Variants in NOSTRIN observed in about 807,000 individuals in gnomAD.
NOSTRIN encodes BM247 homolog.
In NOSTRIN, 63 loss-of-function variants were observed where a neutral mutation model predicts 59.0. That is an observed-to-expected ratio of 1.07 (90% CI 0.87 to 1.32). NOSTRIN has a LOEUF of 1.32. Ranked by LOEUF, NOSTRIN falls within the 40% of genes most tolerant of loss-of-function variation. NOSTRIN has a pLI of 0.00. For synonymous variants in NOSTRIN, 200 were observed against 165.4 expected (o/e 1.21, Z -1.61); for missense variants, 512 against 473.1 (o/e 1.08, Z -0.76).
chr2:168,819,722 T>C (rs1686619631), intron 2 of NOSTRIN, among the ~76,000 whole-genome samples: 1 of 152,204 alleles, frequency 6.6e-6, no homozygotes, highest in African/African-American at 2.4e-5. Flanking sequence ...CCTGCTTTGC[T>C]TGGTTGATTT....
rs114537885 is a variant in NOSTRIN at position 168,790,643 on chromosome 2, A to G, written c.-473+2595A>G. On this transcript the variant is annotated intron_variant, in intron 2 of 20. Coordinates refer to the NOSTRIN transcript ENST00000458381. ...GTCAATGGCAGGAAAGCCAAGGAGG[A>G]GCTAAGAACTGTTCCAGAGTGGAAA... Among the ~76,000 whole-genome samples the G allele has an allele frequency of 5.1e-3, 777 of 152,336 alleles. 7 individuals carry two copies. The highest frequency in any genetic ancestry group is 0.017 in the African/African-American group (719 of 41,572).
Position 168,860,821 on chromosome 2 carries a change from A to ATCTC in NOSTRIN, c.1207_1210dup (p.Arg404LeufsTer53). 1 of 1,612,814 alleles carries ATCTC rather than the reference A, an allele frequency of 6.2e-7. No homozygotes were observed. The highest frequency in any genetic ancestry group is 8.5e-7 in the Non-Finnish European group (1 of 1,178,806). On this transcript the variant is annotated frameshift_variant, in exon 14 of 16. Coordinates refer to ENST00000317647, the MANE Select transcript of NOSTRIN (RefSeq NM_001039724.4). LOFTEE classifies it high-confidence loss of function. ...AGCATACTCATAGCTATGTGAAAAT[A>ATCTC]TCTCGGCCTTTTTTAATGAAGAGAT... is the stretch of plus-strand genomic sequence containing the variant.
intron 2 of NOSTRIN, among the ~76,000 whole-genome samples, chr2:168,821,134 A>T (rs1287207801): frequency 6.6e-6 from 1 of 152,238 alleles, no homozygotes; most frequent in Non-Finnish European, 1.5e-5. Flanking sequence ...AACATTATAA[A>T]AAGCATTATC....
intron 1 of NOSTRIN, among the ~76,000 whole-genome samples, chr2:168,787,347 T>C (rs773071213): frequency 6.6e-6 from 1 of 152,134 alleles, no homozygotes; most frequent in Non-Finnish European, 1.5e-5. Flanking sequence ...CTGTGACAGC[T>C]CCAGGACTCT....
upstream of NOSTRIN, among the ~76,000 whole-genome samples, chr2:168,795,812 C>T (rs374879161): frequency 6.6e-6 from 1 of 152,166 alleles, no homozygotes; most frequent in Non-Finnish European, 1.5e-5. Flanking sequence ...TTAGATGCTA[C>T]AAATTAGGCT....
intron 7 of NOSTRIN, among the ~76,000 whole-genome samples, chr2:168,835,793 CAT>C (rs1362553906): frequency 6.6e-6 from 1 of 152,012 alleles, no homozygotes; most frequent in Non-Finnish European, 1.5e-5. Flanking sequence ...AGTGTAGACT[CAT>C]ATATTAAATA....
At chr2:168,813,172 A>G (rs1207102054) in intron 2 of NOSTRIN, among the ~76,000 whole-genome samples, 2 of 152,228 alleles carry the variant, frequency 1.3e-5, no homozygotes, top group East Asian at 3.9e-4. Flanking sequence ...CATTATTTGT[A>G]TGACTCCTAT....
At chr2:168,833,486 A>G (rs966924144) in intron 6 of NOSTRIN, among the ~76,000 whole-genome samples, 1 of 152,238 alleles carries the variant, frequency 6.6e-6, no homozygotes, top group African/African-American at 2.4e-5. Flanking sequence ...AAGTCTTTCA[A>G]TCAGCCTACT....
chr2:168,808,263 T>A (rs954781641), intron 1 of NOSTRIN, among the ~76,000 whole-genome samples: 2 of 152,180 alleles, frequency 1.3e-5, no homozygotes, highest in Non-Finnish European at 2.9e-5. Flanking sequence ...CCTTGTTCTC[T>A]CCCATAGGTA....
At chr2:168,797,613 TGTC>T (rs751419865), upstream of NOSTRIN, among the ~76,000 whole-genome samples, 37 of 152,106 alleles carry the variant, frequency 2.4e-4, no homozygotes, top group Non-Finnish European at 4.4e-4. Flanking sequence ...AAAAATAACA[TGTC>T]ATCATCTCAA....
intron 2 of NOSTRIN, among the ~76,000 whole-genome samples, chr2:168,815,713 A>G (rs1686360696): frequency 6.6e-6 from 1 of 152,218 alleles, no homozygotes; most frequent in African/African-American, 2.4e-5. Flanking sequence ...TCTCTTGCAT[A>G]TTGATGATTT....
At chr2:168,792,976 C>T (rs1685394141) in intron 2 of NOSTRIN, among the ~76,000 whole-genome samples, 1 of 152,034 alleles carries the variant, frequency 6.6e-6, no homozygotes, top group African/African-American at 2.4e-5. Context: ...GTAGTGTGGC[C>T]AACTTTTGAC....
intron 2 of NOSTRIN, among the ~76,000 whole-genome samples, chr2:168,818,937 C>T (rs982337164): frequency 1.3e-5 from 2 of 151,998 alleles, no homozygotes; most frequent in Non-Finnish European, 2.9e-5. Context: ...ATTCTGAGAT[C>T]GGGTTGCCTA....
chr2:168,794,454 C>T (rs9789605), upstream of NOSTRIN, among the ~76,000 whole-genome samples: 5,938 of 151,884 alleles, frequency 0.039, 572 homozygotes, highest in East Asian at 0.41. Flanking sequence ...CAGGTTCGCA[C>T]CATTCTCCTG....
chr2:168,796,198 G>C (rs1685473580), upstream of NOSTRIN, among the ~76,000 whole-genome samples: 1 of 152,232 alleles, frequency 6.6e-6, no homozygotes, highest in African/African-American at 2.4e-5. Context: ...AGGGAACGCT[G>C]CTGCTCCTGT....
rs771457799 is a variant in NOSTRIN, at chr2:168,855,471, A to G, written c.964+11A>G. Reference sequence around the variant, plus strand: ...CAAAAGACAAGGAAGGTGTGTAACCATCTCTTTGAATGGCCAGAAAAGGGA... The same window carrying G: ...CAAAAGACAAGGAAGGTGTGTAACCGTCTCTTTGAATGGCCAGAAAAGGGA... On this transcript the variant is annotated intron_variant, in intron 11 of 15. Transcript: ENST00000317647. 108 of 1,444,310 alleles carry G rather than the reference A, an allele frequency of 7.5e-5. 3 individuals are homozygous for G. The South Asian group carries it at 1.2e-3, about 16-fold the overall frequency. 89.5% of individuals were successfully genotyped at this position (1,444,310 alleles called of 1,614,324 possible). A position where few individuals can be genotyped will look rare whatever the true frequency, so the allele number is the denominator to read the frequency against.
intron 2 of NOSTRIN, among the ~76,000 whole-genome samples, chr2:168,790,974 A>G (rs6722317): frequency 0.33 from 49,775 of 152,020 alleles, 9,338 homozygotes; most frequent in South Asian, 0.53. Context: ...TTTAATCAAT[A>G]TATTTGTTTT....
intron 1 of NOSTRIN, among the ~76,000 whole-genome samples, chr2:168,805,003 T>TA (rs1052496593): frequency 3.3e-5 from 5 of 152,184 alleles, no homozygotes; most frequent in Admixed American, 2.6e-4. Context: ...AGTATGTTAA[T>TA]AAAAAAGCAC....
At chr2:168,841,166 GCAGTGAGC>G (rs1208198792) in intron 7 of NOSTRIN, among the ~76,000 whole-genome samples, 6 of 146,932 alleles carry the variant, frequency 4.1e-5, no homozygotes, top group South Asian at 2.1e-4. Context: ...CAAGGAGGTT[GCAGTGAGC>G]CAGTGAGCCA....
Sources: allele counts gnomAD v4.1 joint callset (sites outside exome capture counted in the v4.1 genomes callset), GRCh38; gene constraint gnomAD v4.1.1; transcripts MANE v1.5; gene names NCBI Gene and HGNC (gene_info 2026-07-23, HGNC 2026-07-21).